KAZN: variants seen among roughly 807,000 people sequenced by gnomAD.
The protein encoded by KAZN is kazrin.
KAZN carries 40 observed loss-of-function variants against 87.4 expected under a neutral mutation model. The ratio of observed to expected loss-of-function variants is 0.46; its 90% CI spans 0.36 to 0.60. The LOEUF (loss-of-function observed/expected upper bound fraction) is 0.60. KAZN is among the 20% of genes least tolerant of loss of function. KAZN has a pLI of 0.00. For synonymous variants in KAZN, 466 were observed against 458.3 expected (o/e 1.02, Z -0.22); for missense variants, 898 against 1,073.9 (o/e 0.84, Z 2.29).
intron 1 of KAZN, among the ~76,000 whole-genome samples, chr1:14,003,058 C>A (rs1165386344): frequency 6.6e-6 from 1 of 152,068 alleles, no homozygotes; most frequent in Non-Finnish European, 1.5e-5. Flanking sequence ...TTTGCAGGGA[C>A]ATGGATGAAG....
In KAZN at chr1:14,912,862, T is replaced by C. The variant is rs1289209946; in HGVS notation, c.227-47822T>C. Among the ~76,000 whole-genome samples the C allele has an allele frequency of 2.0e-5, 3 of 152,214 alleles. No individual in the cohort carries two copies. The South Asian group carries it at 6.2e-4, about 31-fold the overall frequency. On this transcript the variant is annotated intron_variant, in intron 1 of 14. Coordinates refer to ENST00000376030, the MANE Select transcript of KAZN (RefSeq NM_201628.3). ...CACCAGAATGCAAGTCCTACTTCTC[T>C]CTTTTACCCTCGGTTTACTCCGTTT...
At chr1:14,142,193 A>G (rs1015654533) in intron 1 of KAZN, among the ~76,000 whole-genome samples, 8 of 147,896 alleles carry the variant, frequency 5.4e-5, no homozygotes, top group Non-Finnish European at 8.9e-5. Context: ...TGTCCTTGTC[A>G]TAAAGCATAA....
At chr1:14,966,746 ACTGCAACCTCCGTCTC>A (rs1664498343) in intron 2 of KAZN, among the ~76,000 whole-genome samples, 1 of 151,912 alleles carries the variant, frequency 6.6e-6, no homozygotes. Flanking sequence ...ATCTCAGCTC[ACTGCAACCTCCGTCTC>A]CTGGGTTCAG....
At chr1:14,864,758 G>T (rs939212224) in intron 1 of KAZN, among the ~76,000 whole-genome samples, 5 of 152,038 alleles carry the variant, frequency 3.3e-5, no homozygotes, top group Non-Finnish European at 7.4e-5. Context: ...CAGAGGACGG[G>T]CTCTGGATTC....
chr1:14,551,327 G>A (rs918502073), intron 2 of KAZN, among the ~76,000 whole-genome samples: 3 of 152,178 alleles, frequency 2.0e-5, no homozygotes, highest in East Asian at 1.9e-4. Context: ...AGTTACTGAT[G>A]TAGGGCTCCC....
intron 2 of KAZN, among the ~76,000 whole-genome samples, chr1:14,327,416 G>A (rs1248573815): frequency 6.6e-6 from 1 of 151,970 alleles, no homozygotes; most frequent in African/African-American, 2.4e-5. Flanking sequence ...CTGGAATGCC[G>A]AACCCACCTC....
chr1:14,902,625 G>A (rs1302581779), intron 1 of KAZN, among the ~76,000 whole-genome samples: 1 of 152,090 alleles, frequency 6.6e-6, no homozygotes, highest in Non-Finnish European at 1.5e-5. Context: ...CAGCTTTACA[G>A]ACATTTTGGA....
chr1:14,418,171 C>T (rs930110505), intron 2 of KAZN, among the ~76,000 whole-genome samples: 1 of 151,906 alleles, frequency 6.6e-6, no homozygotes, highest in Non-Finnish European at 1.5e-5. Flanking sequence ...AGAATAAGAA[C>T]CTTAGATCTT....
At chr1:14,484,560 A>G (rs897319951) in intron 2 of KAZN, among the ~76,000 whole-genome samples, 36 of 152,334 alleles carry the variant, frequency 2.4e-4, no homozygotes, top group African/African-American at 7.2e-4. Flanking sequence ...TCAGTTATCT[A>G]TTGTCCCAAT....
intron 1 of KAZN, among the ~76,000 whole-genome samples, chr1:14,714,978 G>A (rs969791581): frequency 2.0e-5 from 3 of 151,244 alleles, no homozygotes; most frequent in African/African-American, 7.3e-5. Context: ...TTTTCTTTTA[G>A]TAGAGACGAG....
chr1:14,846,691 G>C (rs35734709), intron 1 of KAZN, among the ~76,000 whole-genome samples: 1 of 152,114 alleles, frequency 6.6e-6, no homozygotes. Context: ...TGAGAATCAG[G>C]GGGGAGTTAT....
intron 2 of KAZN, among the ~76,000 whole-genome samples, chr1:14,445,691 G>A (rs532240755): frequency 1.3e-5 from 2 of 152,296 alleles, no homozygotes; most frequent in South Asian, 4.1e-4. Context: ...GTGCTGTATT[G>A]ACTGGGATTG....
At chr1:14,589,888 T>C (rs1226294094) in intron 2 of KAZN, among the ~76,000 whole-genome samples, 1 of 151,936 alleles carries the variant, frequency 6.6e-6, no homozygotes, top group African/African-American at 2.4e-5. Context: ...AGAAATGAAC[T>C]CAAGGAAGCA....
chr1:14,180,616 C>G, intron 2 of KAZN: 1 of 1,532,604 alleles, frequency 6.5e-7, no homozygotes, highest in Non-Finnish European at 8.8e-7. Context: ...TACAGAAATT[C>G]TCTATGGAGA....
chr1:14,366,863 CTTG>C (rs1318741165), intron 2 of KAZN, among the ~76,000 whole-genome samples: 1 of 152,202 alleles, frequency 6.6e-6, no homozygotes, highest in African/African-American at 2.4e-5. Context: ...TACCCAAGCT[CTTG>C]TTCAGCATCC....
chr1:14,641,525 C>A (rs560219147), intron 1 of KAZN, among the ~76,000 whole-genome samples: 1 of 152,140 alleles, frequency 6.6e-6, no homozygotes, highest in African/African-American at 2.4e-5. Flanking sequence ...ACCATGCCTG[C>A]GGTGTGGCCT....
intron 1 of KAZN, among the ~76,000 whole-genome samples, chr1:14,758,678 A>G (rs1043515687): frequency 6.6e-6 from 1 of 152,174 alleles, no homozygotes; most frequent in Admixed American, 6.5e-5. Flanking sequence ...AGCAGGCAGC[A>G]GCTTGGATGA....
In KAZN at chr1:15,085,739, A is replaced by G. The variant is rs575670896; in HGVS notation, c.1223-8441A>G. On this transcript the variant is annotated intron_variant, in intron 8 of 14. Transcript: ENST00000376030. ...ACAGAAAGTTCTGTTGGACAGCACT[A>G]GGTCACAAGATAGGAAAAAATAGAA... Among the ~76,000 whole-genome samples the G allele has an allele frequency of 2.0e-5, 3 of 152,362 alleles. No individual in the cohort carries two copies. In the South Asian group the frequency reaches 6.2e-4, roughly 32 times the overall value.
At chr1:14,382,712 C>G (rs933004503) in intron 2 of KAZN, among the ~76,000 whole-genome samples, 10 of 147,202 alleles carry the variant, frequency 6.8e-5, no homozygotes, top group African/African-American at 2.2e-4. Context: ...TTAATCCAGT[C>G]TATCGTTGTT....
Sources: allele counts gnomAD v4.1 joint callset (sites outside exome capture counted in the v4.1 genomes callset), GRCh38; gene constraint gnomAD v4.1.1; transcripts MANE v1.5; gene names NCBI Gene and HGNC (gene_info 2026-07-23, HGNC 2026-07-21).